Variants in GFPT2 observed in about 807,000 individuals in gnomAD.
GFPT2 encodes the protein glutamine--fructose-6-phosphate aminotransferase [isomerizing] 2.
A neutral mutation model predicts 85.6 loss-of-function variants in GFPT2; 62 were observed. That is an observed-to-expected ratio of 0.72 (90% CI 0.59 to 0.90). GFPT2 has a LOEUF of 0.90. Among genes scored for constraint, GFPT2 ranks in the 40% least tolerant of loss-of-function variants. The pLI is 0.00. For missense variants in GFPT2, 788 were observed against 893.4 expected (o/e 0.88, Z 1.50); for synonymous variants, 368 against 344.5 (o/e 1.07, Z -0.75).
At chr5:180,313,169 G>T (rs1763928425) in intron 14 of GFPT2, among the ~76,000 whole-genome samples, 1 of 152,074 alleles carries the variant, frequency 6.6e-6, no homozygotes, top group Non-Finnish European at 1.5e-5. Context: ...CACAGTGCTG[G>T]GATTCCAGGG....
At position 180,316,659 on chromosome 5, in the gene GFPT2, C is replaced by T. The variant is rs982513502; in HGVS notation, c.1152+105G>A. 1.6e-5 allele frequency: 15 copies of T among 957,166 alleles called. No individual in the cohort carries two copies. The South Asian group carries it at 2.0e-4, about 13-fold the overall frequency. 59.3% of individuals were successfully genotyped at this position (957,166 alleles called of 1,614,324 possible). ...TCACGCTAGCTCATGGGAATGGGTA[C>T]AAGGGCTTAGCCAAATTCAGAAGGC... On this transcript the variant is annotated intron_variant, in intron 12 of 18. Coordinates refer to ENST00000253778, the MANE Select transcript of GFPT2 (RefSeq NM_005110.4).
chr5:180,303,436 G>A (rs1036228790), intron 17 of GFPT2, among the ~76,000 whole-genome samples: 8 of 152,180 alleles, frequency 5.3e-5, no homozygotes, highest in African/African-American at 1.7e-4. Context: ...GCAAAGGCCC[G>A]GAGGCGGGCG....
intron 2 of GFPT2, 44 bp downstream of exon 2, chr5:180,338,449 C>T (rs554644100): frequency 1.5e-5 from 16 of 1,081,118 alleles, no homozygotes; most frequent in African/African-American, 3.1e-5. Context: ...ACCACAGCAG[C>T]GGAGCCCGGT....
intron 16 of GFPT2, 130 bp from the exon 17 acceptor site, chr5:180,305,069 CAG>C: frequency 1.4e-6 from 1 of 704,842 alleles, no homozygotes; most frequent in South Asian, 1.7e-5. Flanking sequence ...GCAAGGCAGA[CAG>C]ATGCCTGGAG....
In GFPT2 at chr5:180,301,511, GA is replaced by G. The variant is rs1043003233; in HGVS notation, c.*52del. ...TCCCATGTAGCATCCCTGCTGTTGG[GA>G]CAGGTCTGGAATCAGATGAAAGGTG... is the stretch of plus-strand genomic sequence containing the variant. On this transcript the variant is annotated 3_prime_UTR_variant, in exon 19 of 19. Transcript: ENST00000253778. 5.1e-5 allele frequency: 73 copies of G among 1,422,912 alleles called. No individual in the cohort carries two copies. The East Asian group carries it at 5.7e-4, about 11-fold the overall frequency. The allele number at this position is 1,422,912 out of a possible 1,614,324, so 88.1% of individuals were successfully genotyped here. A position where few individuals can be genotyped will look rare whatever the true frequency, so the allele number is the denominator to read the frequency against.
intron 15 of GFPT2, among the ~76,000 whole-genome samples, chr5:180,308,541 GA>G (rs1763820558): frequency 6.6e-6 from 1 of 152,150 alleles, no homozygotes; most frequent in Non-Finnish European, 1.5e-5. Context: ...TTTGTAGTTG[GA>G]AAAGCGAGGA....
intron 10 of GFPT2, among the ~76,000 whole-genome samples, chr5:180,317,460 G>T (rs1237474809): frequency 6.6e-6 from 1 of 152,062 alleles, no homozygotes; most frequent in Admixed American, 6.6e-5. Flanking sequence ...CCTGGTTTCC[G>T]TAATAAAAAC....
chr5:180,339,895 G>C (rs1339415217), intron 1 of GFPT2, among the ~76,000 whole-genome samples: 1 of 152,258 alleles, frequency 6.6e-6, no homozygotes, highest in African/African-American at 2.4e-5. Flanking sequence ...AATATGTGAT[G>C]AGTGTGTATC....
chr5:180,350,897 T>C (rs186763759), intron 1 of GFPT2, among the ~76,000 whole-genome samples: 40 of 152,292 alleles, frequency 2.6e-4, no homozygotes, highest in Middle Eastern at 3.4e-3. Flanking sequence ...GGAAGGGCCT[T>C]AGGTCTCCGC....
intron 9 of GFPT2, among the ~76,000 whole-genome samples, chr5:180,319,246 A>G (rs1764073736): frequency 6.6e-6 from 1 of 152,222 alleles, no homozygotes. Context: ...TACCATAATC[A>G]TATCTAAAAT....
chr5:180,312,965 C>G (rs370111718), intron 14 of GFPT2, among the ~76,000 whole-genome samples: 1 of 151,986 alleles, frequency 6.6e-6, no homozygotes, highest in African/African-American at 2.4e-5. Flanking sequence ...TTAGTAGAGA[C>G]GGGGTTTCAC....
At chr5:180,305,746 A>T (rs895740893) in intron 16 of GFPT2, among the ~76,000 whole-genome samples, 1 of 152,120 alleles carries the variant, frequency 6.6e-6, no homozygotes, top group Non-Finnish European at 1.5e-5. Flanking sequence ...GCCCCCACCC[A>T]TGACGCAGAG....
At chr5:180,321,540 G>A (rs543372748) in intron 9 of GFPT2, among the ~76,000 whole-genome samples, 64 of 152,328 alleles carry the variant, frequency 4.2e-4, no homozygotes, top group Non-Finnish European at 6.9e-4. Flanking sequence ...GCCTTCCCCA[G>A]AGGTCTGTCA....
In GFPT2 at chr5:180,307,195, G is replaced by C. The variant is rs1290089792; in HGVS notation, c.1655C>G (p.Thr552Ser). 1.3e-6 allele frequency: 2 copies of C among 1,593,198 alleles called. No individual in the cohort carries two copies. The highest frequency in any genetic ancestry group is 4.5e-5 in the East Asian group (2 of 44,132). ...LVMGRGYNYA[T>S]CLEGALKIKE... The stretch of plus-strand genomic sequence containing the variant: ...GCTCACCAGGGCTCCTTCCAGGCAG[G>C]TGGCATAGTTGTAGCCCCGCCCCAT... The change falls in exon 16 of 19, where the codon ACC (threonine) becomes AGC (serine). Residue 552 changes from threonine to serine, a missense_variant. Physicochemically the swap from Thr to Ser is moderately conservative, Grantham distance 58. Transcript: ENST00000253778.
Position 180,318,568 on chromosome 5 carries a change from A to G in GFPT2, c.958+225T>C, listed in dbSNP as rs1581375415. The G allele has an allele frequency of 5.5e-5, 30 of 545,368 alleles. No individual in the cohort carries two copies. In the East Asian group the frequency reaches 9.0e-4, roughly 16 times the overall value. The allele number at this position is 545,368 out of a possible 1,614,324, so 33.8% of individuals were successfully genotyped here. A position where few individuals can be genotyped will look rare whatever the true frequency, so the allele number is the denominator to read the frequency against. On this transcript the variant is annotated intron_variant, in intron 10 of 18. Coordinates refer to ENST00000253778, the MANE Select transcript of GFPT2 (RefSeq NM_005110.4). The surrounding 1 kb of genome is among the most constrained non-coding windows in gnomAD (Gnocchi z 4.2). ...ACACTGGGCTCAGTTCCAGTAGGAA[A>G]GACCTGGCGGCTGGCTGCACACAGG...
intron 4 of GFPT2, among the ~76,000 whole-genome samples, chr5:180,332,393 T>C (rs977265922): frequency 1.3e-5 from 2 of 152,192 alleles, no homozygotes; most frequent in Non-Finnish European, 2.9e-5. Context: ...TAGCTCCGTT[T>C]CCCTCTCCCC....
In GFPT2 at chr5:180,316,721, C is replaced by G. The variant is rs767014184; in HGVS notation, c.1152+43G>C. 2.1e-5 allele frequency: 30 copies of G among 1,400,630 alleles called. No individual in the cohort carries two copies. In the Admixed American group the frequency reaches 5.0e-4, roughly 24 times the overall value. 86.8% of individuals were successfully genotyped at this position (1,400,630 alleles called of 1,614,324 possible). ...TAAAACTGAAGGCCAGTGTCTGGTC[C>G]TAGACTGCCGTCGACTTCCCCACGC... On this transcript the variant is annotated intron_variant, in intron 12 of 18. Transcript: ENST00000253778.
chr5:180,331,909 C>G (rs1426621565), intron 4 of GFPT2, among the ~76,000 whole-genome samples: 1 of 152,200 alleles, frequency 6.6e-6, no homozygotes, highest in South Asian at 2.1e-4. Flanking sequence ...ATGATGAGCC[C>G]TTCGTTCCAG....
intron 7 of GFPT2, among the ~76,000 whole-genome samples, chr5:180,325,342 T>C (rs893056928): frequency 1.3e-5 from 2 of 152,180 alleles, no homozygotes; most frequent in South Asian, 2.1e-4. Context: ...CCCCCTGTTG[T>C]TCCTTCCCTT....
Sources: allele counts gnomAD v4.1 joint callset (sites outside exome capture counted in the v4.1 genomes callset), GRCh38; gene constraint gnomAD v4.1.1; non-coding constraint Gnocchi (gnomAD v3.1); transcripts MANE v1.5; gene names NCBI Gene and HGNC (gene_info 2026-07-23, HGNC 2026-07-21).